IRF6: variants seen among roughly 807,000 people sequenced by gnomAD.
The protein encoded by IRF6 is interferon regulatory factor 6.
In IRF6, 6 loss-of-function variants were observed where a neutral mutation model predicts 51.4. That is an observed-to-expected ratio of 0.12 (90% CI 0.06 to 0.23). IRF6 has a LOEUF of 0.23. Ranked by LOEUF, IRF6 falls within the 10% of genes least tolerant of loss-of-function variation. IRF6 has a pLI of 1.00. For missense variants in IRF6, 348 were observed against 585.2 expected, an observed-to-expected ratio of 0.59 and a Z score of 4.18; for synonymous variants, 178 against 215.7, an observed-to-expected ratio of 0.83 and a Z score of 1.53.
rs2077904036 is a variant in IRF6, at chr1:209,796,675, A to ACACACACACC, written c.175-124_175-123insGGTGTGTGTG. The stretch of plus-strand genomic sequence containing the variant: ...CACACACACACACACACACACACAC[A>ACACACACACC]CAACTTTTGCATGACTGCCCCATCA... On this transcript the variant is annotated intron_variant, in intron 3 of 8. Coordinates refer to ENST00000367021, the MANE Select transcript of IRF6 (RefSeq NM_006147.4). The surrounding 1 kb of genome is among the most constrained non-coding windows in gnomAD (Gnocchi z 4.5). 1.3e-6 allele frequency: 1 copy of ACACACACACC among 776,944 alleles called. No individual in the cohort carries two copies. Among genetic ancestry groups the ACACACACACC allele is most frequent in the Non-Finnish European group, 2.1e-6 (1 of 466,264 alleles). 48.1% of individuals were successfully genotyped at this position (776,944 alleles called of 1,614,324 possible).
chr1:209,790,430 G>A lies in IRF6; in HGVS notation c.1060+65C>T. The A allele has an allele frequency of 6.5e-7, 1 of 1,549,272 alleles. No homozygotes were observed. Among genetic ancestry groups the A allele is most frequent in the Non-Finnish European group, 8.9e-7 (1 of 1,123,172 alleles). ...GGAAAGCAGGAAGGTGAAAGACAGG[G>A]ATAGTGGAAGGAATGTACTTCCAGA... On this transcript the variant is annotated intron_variant, in intron 7 of 8. Transcript: ENST00000367021. The surrounding 1 kb of genome is among the most constrained non-coding windows in gnomAD (Gnocchi z 4.8).
At chr1:209,799,591 C>T (rs576207113) in intron 3 of IRF6, among the ~76,000 whole-genome samples, 46 of 152,326 alleles carry the variant, frequency 3.0e-4, no homozygotes, top group Admixed American at 1.3e-3. Flanking sequence ...AAGCCACCTC[C>T]CCACAGCCCA....
chr1:209,788,348 T>G lies in IRF6; in HGVS notation c.*72A>C. The G allele has an allele frequency of 9.8e-7, 1 of 1,022,432 alleles. No individual in the cohort carries two copies. The highest frequency in any genetic ancestry group is 2.5e-5 in the East Asian group (1 of 40,052). The allele number at this position is 1,022,432 out of a possible 1,614,324, so 63.3% of individuals were successfully genotyped here. On this transcript the variant is annotated 3_prime_UTR_variant, in exon 9 of 9. Transcript: ENST00000367021. ...AGAAAAGAGAGATTTAAAAGCTGGT[T>G]AAATCTAAACAATAAAAAAATCCAT...
rs778202743 is a variant in IRF6 at position 209,789,742 on chromosome 1, C to A, written c.1104G>T (p.Pro368=). ...HQKGQIEKQP[P]FEIYLCFGEE... ...CCCCAAAGCATAAGTAGATCTCAAA[C>A]GGTGGCTGCTTCTCTATCTGTCCTT... Residue 368 remains proline, a synonymous_variant, in exon 8 of 9, where the codon CCG becomes CCT. Coordinates refer to ENST00000367021, the MANE Select transcript of IRF6 (RefSeq NM_006147.4). 15 of 1,613,976 alleles carry A rather than the reference C, an allele frequency of 9.3e-6. No homozygotes were observed. Among genetic ancestry groups the A allele is most frequent in the East Asian group, 2.2e-5 (1 of 44,896 alleles).
At position 209,788,526 on chromosome 1, in the gene IRF6, A is replaced by G. The variant is rs1293034854; in HGVS notation, c.1298T>C (p.Val433Ala). ...ISTPDIKDNI[V>A]AQLKQLYRIL... is the part of the protein sequence containing the mutation. ...GCGGTACAGCTGCTTCAGCTGAGCA[A>G]CGATGTTATCCTTGATGTCTGGGGT... Residue 433 changes from valine (V) to alanine (A), a missense_variant, in exon 9 of 9, where the codon GTT (valine) becomes GCT (alanine). By Grantham distance (64) the Val-to-Ala change is moderately conservative. Coordinates refer to ENST00000367021, the MANE Select transcript of IRF6 (RefSeq NM_006147.4). The G allele has an allele frequency of 1.2e-6, 2 of 1,614,068 alleles. No individual in the cohort carries two copies. The highest frequency in any genetic ancestry group is 1.7e-6 in the Non-Finnish European group (2 of 1,180,044).
At chr1:209,789,895 C>T (rs1571979104) in intron 7 of IRF6, 110 bp from the exon 8 acceptor site, 1 of 766,878 alleles carries the variant, frequency 1.3e-6, no homozygotes, top group East Asian at 2.6e-5. Context: ...CATGTGCTCA[C>T]TAGTTTTAAA....
intron 3 of IRF6, among the ~76,000 whole-genome samples, chr1:209,799,782 A>G (rs1237109458): frequency 6.6e-6 from 1 of 152,178 alleles, no homozygotes; most frequent in East Asian, 1.9e-4. Flanking sequence ...CTCAATGCCA[A>G]CTCCAATAAT....
chr1:209,793,777 G>A (rs1426266834), intron 5 of IRF6, among the ~76,000 whole-genome samples: 1 of 152,104 alleles, frequency 6.6e-6, no homozygotes, highest in Non-Finnish European at 1.5e-5. Flanking sequence ...GTGTCCATGT[G>A]TACTCAATGT....
chr1:209,796,371 G>A lies in IRF6; in HGVS notation c.356C>T (p.Pro119Leu), dbSNP rs907520955. The change falls in exon 4 of 9, where the codon CCC becomes CTC. Residue 119 changes from proline to leucine, a missense_variant. Physicochemically the swap from Pro to Leu is moderately conservative, Grantham distance 98 (BLOSUM62 -3). Around this residue, in one of 5 missense-constraint regions of IRF6, gnomAD observed 124 missense variants for 141.6 expected, o/e 0.88. Coordinates refer to ENST00000367021, the MANE Select transcript of IRF6 (RefSeq NM_006147.4). This position sits in a 1 kb window ranked among gnomAD's most constrained non-coding sequence, Gnocchi z 4.5. ...ACCTGGGTTAATGATCGAGCCCTGGGGCTGAGGGATGTCACACACTTGATA... is the reference window on the plus strand; with the variant it reads ...ACCTGGGTTAATGATCGAGCCCTGGAGCTGAGGGATGTCACACACTTGATA... The part of the protein sequence containing the change: ...KIYQVCDIPQ[P>L]QGSIINPGST... The A allele has an allele frequency of 6.2e-7, 1 of 1,613,890 alleles. No homozygotes were observed. The highest frequency in any genetic ancestry group is 8.5e-7 in the Non-Finnish European group (1 of 1,180,028).
At position 209,790,449 on chromosome 1, in the gene IRF6, T is replaced by C. The variant is rs374545550; in HGVS notation, c.1060+46A>G. On this transcript the variant is annotated intron_variant, in intron 7 of 8. Coordinates refer to ENST00000367021, the MANE Select transcript of IRF6 (RefSeq NM_006147.4). This position sits in a 1 kb window ranked among gnomAD's most constrained non-coding sequence, Gnocchi z 4.8. ...GACAGGGATAGTGGAAGGAATGTAC[T>C]TCCAGAGAGTGATTCCCACGATCAA... The C allele has an allele frequency of 4.6e-4, 729 of 1,597,722 alleles. 1 individual carries two copies. Among genetic ancestry groups the C allele is most frequent in the Non-Finnish European group, 5.7e-4 (667 of 1,166,678 alleles).
intron 3 of IRF6, among the ~76,000 whole-genome samples, chr1:209,797,317 C>T (rs2102543845): frequency 7.5e-6 from 1 of 134,060 alleles, no homozygotes; most frequent in East Asian, 2.5e-4. Context: ...TTGTAGTGAG[C>T]CAAGATCGTG....
At position 209,796,312 on chromosome 1, in the gene IRF6, T is replaced by C. The variant is rs370221377; in HGVS notation, c.379+36A>G. 1.9e-6 allele frequency: 3 copies of C among 1,576,356 alleles called. No individual in the cohort carries two copies. The highest frequency in any genetic ancestry group is 2.6e-6 in the Non-Finnish European group (3 of 1,146,790). On this transcript the variant is annotated intron_variant, in intron 4 of 8. Coordinates refer to ENST00000367021, the MANE Select transcript of IRF6 (RefSeq NM_006147.4). The surrounding 1 kb of genome is among the most constrained non-coding windows in gnomAD (Gnocchi z 4.5). ...TAAGAGTGCAGCCCAGAATCTGGCA[T>C]GCTGCCCACCTTCTCCCCAGCACCT...
chr1:209,801,118 G>A, intron 3 of IRF6, 122 bp downstream of exon 3: 3 of 864,264 alleles, frequency 3.5e-6, no homozygotes, highest in East Asian at 5.0e-5. Context: ...GCTGAGTTTG[G>A]GCACCCCCAT....
Position 209,786,878 on chromosome 1 carries a change from A to G in IRF6, c.*1542T>C, listed in dbSNP as rs1275467893. Reference sequence around the variant, plus strand: ...GGAGATGGCCTGGTTTAAAGGTACCAGACTAGACATGGGCTTCCTTACTAT... The same window carrying G: ...GGAGATGGCCTGGTTTAAAGGTACCGGACTAGACATGGGCTTCCTTACTAT... On this transcript the variant is annotated 3_prime_UTR_variant, in exon 9 of 9. Coordinates refer to ENST00000367021, the MANE Select transcript of IRF6 (RefSeq NM_006147.4). 6.6e-6 allele frequency: 1 copy of G among 152,206 alleles called. No homozygotes were observed. The highest frequency in any genetic ancestry group is 1.5e-5 in the Non-Finnish European group (1 of 68,042). 9.4% of individuals were successfully genotyped at this position (152,206 alleles called of 1,614,324 possible).
At chr1:209,793,678 C>T (rs1291807883) in intron 5 of IRF6, among the ~76,000 whole-genome samples, 7 of 152,134 alleles carry the variant, frequency 4.6e-5, no homozygotes, top group East Asian at 3.8e-4. Context: ...AGTTAATAAG[C>T]GTAGTACCCA....
At chr1:209,793,104 A>G (rs528968056) in intron 5 of IRF6, 1 of 152,432 alleles carries the variant, frequency 6.6e-6, no homozygotes, top group African/African-American at 2.4e-5. Flanking sequence ...ACTTGCTCCA[A>G]AGTCTACAGA....
At chr1:209,801,107 T>C (rs1254916310) in intron 3 of IRF6, 133 bp downstream of exon 3, 1 of 767,080 alleles carries the variant, frequency 1.3e-6, no homozygotes, top group East Asian at 2.6e-5. Context: ...TTACTATGCC[T>C]GCTGAGTTTG....
In IRF6 at chr1:209,788,689, A is replaced by T. The variant is rs770590670; in HGVS notation, c.1180-45T>A. The T allele has an allele frequency of 1.2e-5, 18 of 1,499,334 alleles. No individual in the cohort carries two copies. The African/African-American group carries it at 2.5e-4, about 21-fold the overall frequency. The allele number at this position is 1,499,334 out of a possible 1,614,324, so 92.9% of individuals were successfully genotyped here. A position where few individuals can be genotyped will look rare whatever the true frequency, so the allele number is the denominator to read the frequency against. On this transcript the variant is annotated intron_variant, in intron 8 of 8. Coordinates refer to ENST00000367021, the MANE Select transcript of IRF6 (RefSeq NM_006147.4). ...CAGGTGTATCCTCTGAGGAAAAGGT[A>T]TTTTTAAATAGCACAATGGACCCAA...
chr1:209,801,577 A>C (rs1462760643), intron 2 of IRF6, among the ~76,000 whole-genome samples, 161 bp from the exon 3 acceptor site: 2 of 152,242 alleles, frequency 1.3e-5, no homozygotes, highest in Non-Finnish European at 2.9e-5. Flanking sequence ...GAAAGAAAAG[A>C]GGTTAAAAGG....
Sources: allele counts gnomAD v4.1 joint callset (sites outside exome capture counted in the v4.1 genomes callset), GRCh38; gene constraint gnomAD v4.1.1; regional missense constraint gnomAD v4.1.1; non-coding constraint Gnocchi (gnomAD v3.1); transcripts MANE v1.5; gene names NCBI Gene and HGNC (gene_info 2026-07-23, HGNC 2026-07-21).